Variants in ARSD observed in about 807,000 individuals in gnomAD.
ARSD encodes the protein arylsulfatase D, also known as testis tissue sperm-binding protein Li 39a.
A neutral mutation model predicts 32.6 loss-of-function variants in ARSD; 21 were observed. The observed-to-expected ratio is 0.64, with a 90% CI of 0.46 to 0.93. The LOEUF (loss-of-function observed/expected upper bound fraction) is 0.93. Ranked by LOEUF, ARSD falls within the 40% of genes least tolerant of loss-of-function variation. ARSD has a pLI of 0.00. For synonymous variants in ARSD, 224 were observed against 237.4 expected (o/e 0.94, Z 0.52); for missense variants, 454 against 520.9 (o/e 0.87, Z 1.25).
chrX:2,907,067 A>G lies in ARSD; in HGVS notation c.*204T>C. The G allele has an allele frequency of 2.5e-6, 1 of 395,955 alleles. No homozygotes were observed. The highest frequency in any genetic ancestry group is 4.5e-5 in the East Asian group (1 of 22,415). 32.6% of individuals were successfully genotyped at this position (395,955 alleles called of 1,213,427 possible). ...GGGAGGCGGAGGTTGCAGTGAGCAG[A>G]GATCGTGCCATTGCATTCCAGCCTG... is the stretch of plus-strand genomic sequence containing the variant. On this transcript the variant is annotated 3_prime_UTR_variant, in exon 10 of 10. Transcript: ENST00000381154.
At chrX:2,929,124 T>G (rs1348192626) in intron 1 of ARSD, 108 bp downstream of exon 1, 25 of 790,115 alleles carry the variant, frequency 3.2e-5, no homozygotes, top group Non-Finnish European at 4.1e-5. Flanking sequence ...ACCACGCCCT[T>G]TACAGGGGCC....
At chrX:2,915,746 G>A in intron 5 of ARSD, 54 bp from the exon 6 acceptor site, 1 of 1,136,074 alleles carries the variant, frequency 8.8e-7, no homozygotes, top group South Asian at 1.9e-5. Context: ...ACACCAAAGG[G>A]ACCCCTGCAC....
At chrX:2,922,842 CAAAAAAAAAA>C (rs60380048) in intron 2 of ARSD, among the ~76,000 whole-genome samples, 26 of 43,720 alleles carry the variant, frequency 5.9e-4, no homozygotes, top group Non-Finnish European at 9.8e-4. Context: ...GACCGTGTCT[CAAAAAAAAAA>C]AAAAAAAAAA....
chrX:2,922,236 T>TCTCACA (rs1555906640), intron 2 of ARSD, among the ~76,000 whole-genome samples: 11 of 106,390 alleles, frequency 1.0e-4, no homozygotes, highest in Non-Finnish European at 1.9e-4. Context: ...TCTCTCTCTC[T>TCTCACA]CACACACACA....
rs757272441 is a variant in ARSD, at chrX:2,908,724, C to G, written c.1417G>C (p.Asp473His). The change falls in exon 9 of 10, where the codon GAC becomes CAC. Residue 473 changes from aspartate (D) to histidine (H), a missense_variant. Physicochemically the swap from Asp to His is moderately conservative, Grantham distance 81. Around this residue, in one of 3 missense-constraint regions of ARSD, gnomAD observed 179 missense variants for 198.5 expected, o/e 0.90. Coordinates refer to ENST00000381154, the MANE Select transcript of ARSD (RefSeq NM_001669.4). ...GCTGTGGGCAGCAGGTACTCACTGT[C>G]CTTCTGGTGCCAGCGTGCTGCGTGA... ...HLHAARWHQK[D>H]SGSVWKVHYT... 4.2e-6 allele frequency: 5 copies of G among 1,191,879 alleles called. No homozygotes were observed. The South Asian group carries it at 7.5e-5, about 18-fold the overall frequency.
At position 2,904,546 on chromosome X, in the gene ARSD, C is replaced by T. The variant is rs1348857119; in HGVS notation, c.*2725G>A. ...TTCTTCAGGTGGAGACTAACCAACT[C>T]CCTGACCTCCTTCGGTTAAGTGCTC... is the stretch of plus-strand genomic sequence containing the variant. On this transcript the variant is annotated 3_prime_UTR_variant, in exon 10 of 10. Coordinates refer to ENST00000381154, the MANE Select transcript of ARSD (RefSeq NM_001669.4). The T allele has an allele frequency of 8.8e-6, 1 of 113,295 alleles. No homozygotes were observed. Among genetic ancestry groups the T allele is most frequent in the Admixed American group, 9.5e-5 (1 of 10,555 alleles). The allele number at this position is 113,295 out of a possible 1,213,427, so 9.3% of individuals were successfully genotyped here. A position where few individuals can be genotyped will look rare whatever the true frequency, so the allele number is the denominator to read the frequency against.
At chrX:2,922,842 C>CAAAAAAAAAAAA (rs60380048) in intron 2 of ARSD, among the ~76,000 whole-genome samples, 7 of 43,717 alleles carry the variant, frequency 1.6e-4, no homozygotes, top group African/African-American at 3.3e-4. Context: ...GACCGTGTCT[C>CAAAAAAAAAAAA]AAAAAAAAAA....
chrX:2,908,534 T>TCCCC (rs369116749), intron 9 of ARSD, among the ~76,000 whole-genome samples, 187 bp downstream of exon 9: 8 of 84,126 alleles, frequency 9.5e-5, no homozygotes, highest in Non-Finnish European at 1.6e-4. Context: ...TCTCTCTCTC[T>TCCCC]CCCCCCCCCA....
rs1213528660 is a variant in ARSD, at chrX:2,904,332, T to A, written c.*2939A>T. 9.0e-6 allele frequency: 1 copy of A among 111,284 alleles called. No homozygotes were observed. Among genetic ancestry groups the A allele is most frequent in the Non-Finnish European group, 1.9e-5 (1 of 53,129 alleles). The allele number at this position is 111,284 out of a possible 1,213,427, so 9.2% of individuals were successfully genotyped here. A position where few individuals can be genotyped will look rare whatever the true frequency, so the allele number is the denominator to read the frequency against. On this transcript the variant is annotated 3_prime_UTR_variant, in exon 10 of 10. Transcript: ENST00000381154. Reference sequence around the variant, plus strand: ...ACTGCATTCTGTTGGTCAACGCAAGTCAGAGGCTCAGCCCAGATCCAAGGG... The same window carrying A: ...ACTGCATTCTGTTGGTCAACGCAAGACAGAGGCTCAGCCCAGATCCAAGGG...
At position 2,909,903 on chromosome X, in the gene ARSD, G is replaced by T. The variant is rs754019173; in HGVS notation, c.1212C>A (p.Ala404=). 8.3e-7 allele frequency: 1 copy of T among 1,208,093 alleles called. No individual in the cohort carries two copies. The highest frequency in any genetic ancestry group is 1.8e-5 in the African/African-American group (1 of 56,647). Residue 404 remains alanine (A), a synonymous_variant, in exon 8 of 10, where the codon GCC becomes GCA. Transcript: ENST00000381154. ...GIFHWPGVLP[A]GRVIGEPTSL... ...TCGTGGGCTCTCCAATCACTCGGCC[G>T]GCCGGGAGCACCCCCGGCCAGTGGA... is the stretch of plus-strand genomic sequence containing the variant.
chrX:2,907,803 T>C, intron 9 of ARSD, 171 bp from the exon 10 acceptor site: 1 of 1,022,645 alleles, frequency 9.8e-7, no homozygotes, highest in Non-Finnish European at 1.2e-6. Flanking sequence ...AGTCAGAGCA[T>C]GTGTGTGTGC....
chrX:2,908,975 G>A (rs1425174494), intron 8 of ARSD, 133 bp from the exon 9 acceptor site: 2 of 973,966 alleles, frequency 2.1e-6, no homozygotes, highest in Non-Finnish European at 2.8e-6. Context: ...CTCTCCAGTC[G>A]CTGTTCAGAT....
At chrX:2,915,460 T>G (rs753534210) in intron 6 of ARSD, 96 bp downstream of exon 6, 20 of 1,136,269 alleles carry the variant, frequency 1.8e-5, no homozygotes, top group Non-Finnish European at 1.9e-5. Context: ...TATTCTTTAT[T>G]GCAAGTTGGT....
intron 6 of ARSD, chrX:2,914,235 C>CTTT: frequency 5.0e-6 from 3 of 597,222 alleles, no homozygotes; most frequent in East Asian, 1.7e-4. Context: ...TCTTTTATTT[C>CTTT]TTTTTTTTTT....
intron 9 of ARSD, among the ~76,000 whole-genome samples, chrX:2,908,252 A>G (rs4892907): frequency 0.22 from 24,008 of 107,380 alleles, 1,943 homozygotes; most frequent in Admixed American, 0.29. Flanking sequence ...TCTATCTATC[A>G]TCTATCTTAT....
intron 2 of ARSD, among the ~76,000 whole-genome samples, chrX:2,923,772 T>A (rs2089054300): frequency 8.9e-6 from 1 of 111,999 alleles, no homozygotes; most frequent in Non-Finnish European, 1.9e-5. Context: ...CAGTCTGAGG[T>A]CCTGGGGGTC....
chrX:2,914,945 G>A (rs2088941359), intron 6 of ARSD, among the ~76,000 whole-genome samples: 1 of 111,397 alleles, frequency 9.0e-6, no homozygotes, highest in African/African-American at 3.3e-5. Flanking sequence ...TGCAATCTCA[G>A]TTCACTGCAG....
Position 2,907,285 on chromosome X carries a change from C to G in ARSD, c.1768G>C (p.Asp590His), listed in dbSNP as rs759813486. 1 of 1,206,546 alleles carries G rather than the reference C, an allele frequency of 8.3e-7. No homozygotes were observed. The highest frequency in any genetic ancestry group is 1.1e-6 in the Non-Finnish European group (1 of 892,927). The change falls in exon 10 of 10, where the codon GAT becomes CAT. Residue 590 changes from aspartate to histidine, a missense_variant. By Grantham distance (81) the Asp-to-His change is moderately conservative. Around this residue, in one of 3 missense-constraint regions of ARSD, gnomAD observed 179 missense variants for 198.5 expected, o/e 0.90. Transcript: ENST00000381154. The part of the protein sequence containing the change: ...FPFCSCHEDG[D>H]GTP ...AGTCCTGGCATTCAGGGGGTGCCAT[C>G]CCCATCCTCGTGGCATGAACAGAAC...
At position 2,921,455 on chromosome X, in the gene ARSD, T is replaced by C. The variant is rs754595337; in HGVS notation, c.316+448A>G. ...CTATCACGTCATGATCAATCATCTA[T>C]CATTATGTATCATCATCATCTAGAT... On this transcript the variant is annotated intron_variant, in intron 3 of 9. Coordinates refer to ENST00000381154, the MANE Select transcript of ARSD (RefSeq NM_001669.4). Among the ~76,000 whole-genome samples, 4 of 112,255 alleles carry C rather than the reference T, an allele frequency of 3.6e-5. No homozygotes were observed. The South Asian group carries it at 1.1e-3, about 31-fold the overall frequency.
Sources: gnomAD v4.1 joint callset for allele counts (sites outside exome capture counted in the v4.1 genomes callset) on GRCh38, gnomAD v4.1.1 for gene constraint, gnomAD v4.1.1 regional missense constraint, MANE v1.5 for transcripts, NCBI Gene and HGNC (gene_info 2026-07-23, HGNC 2026-07-21) for gene names.